Variants in DLGAP1 observed in about 807,000 individuals in gnomAD.
DLGAP1 encodes DLG associated protein 1, also known as disks large-associated protein 1.
Under a neutral mutation model 90.8 loss-of-function variants are expected in DLGAP1, and 11 were observed. The ratio of observed to expected loss-of-function variants is 0.12; its 90% CI spans 0.08 to 0.20. The LOEUF (loss-of-function observed/expected upper bound fraction) is 0.20, where lower values mean the gene tolerates loss of function less well. DLGAP1 is among the 10% of genes least tolerant of loss of function. DLGAP1 has a pLI of 1.00. For synonymous variants in DLGAP1, 558 were observed against 540.7 expected (o/e 1.03, Z -0.44); for missense variants, 1,050 against 1,333.8 (o/e 0.79, Z 3.31).
Position 3,529,186 on chromosome 18 carries a change from G to A in DLGAP1, c.2479+5008C>T, listed in dbSNP as rs538380165. ...ATAGTAAGACAGGGGGCCTATAGGA[G>A]GTGAGTTGGTCACAGGGGCAGAGTC... On this transcript the variant is annotated intron_variant, in intron 10 of 12. Coordinates refer to ENST00000315677, the MANE Select transcript of DLGAP1 (RefSeq NM_004746.4). Among the ~76,000 whole-genome samples, 7 of 152,342 alleles carry A rather than the reference G, an allele frequency of 4.6e-5. No homozygotes were observed. The South Asian group carries it at 1.2e-3, about 27-fold the overall frequency.
intron 1 of DLGAP1, among the ~76,000 whole-genome samples, chr18:4,322,559 G>C (rs2080717811): frequency 6.6e-6 from 1 of 152,112 alleles, no homozygotes; most frequent in South Asian, 2.1e-4. Context: ...AAAACATAGG[G>C]GGAAAGCTCC....
intron 4 of DLGAP1, among the ~76,000 whole-genome samples, chr18:3,853,530 T>G (rs1036401528): frequency 7.9e-5 from 12 of 151,714 alleles, no homozygotes; most frequent in African/African-American, 2.7e-4. Flanking sequence ...ATAGGCTATA[T>G]CATAGCTGAG....
At chr18:4,266,971 A>AG (rs2079144671) in intron 1 of DLGAP1, among the ~76,000 whole-genome samples, 1 of 152,186 alleles carries the variant, frequency 6.6e-6, no homozygotes, top group Admixed American at 6.5e-5. Context: ...TCAGGTGCTG[A>AG]GTTTACTAAT....
chr18:3,621,883 T>C (rs151028655), intron 7 of DLGAP1, among the ~76,000 whole-genome samples: 2 of 152,246 alleles, frequency 1.3e-5, no homozygotes, highest in Non-Finnish European at 2.9e-5. Flanking sequence ...TAAGGATTGC[T>C]TGAGCTCAGG....
intron 4 of DLGAP1, among the ~76,000 whole-genome samples, chr18:3,823,949 CAAAAAAAAAAAAAA>C (rs60286806): frequency 1.6e-4 from 6 of 36,550 alleles, no homozygotes; most frequent in South Asian, 2.1e-3. Context: ...GACTCCCTCT[CAAAAAAAAAAAAAA>C]AAAAAAAAAA....
intron 1 of DLGAP1, among the ~76,000 whole-genome samples, chr18:4,207,229 G>A (rs1452735414): frequency 6.6e-6 from 1 of 152,140 alleles, no homozygotes; most frequent in Admixed American, 6.5e-5. Context: ...TTACAACAAT[G>A]GCGAAAGGTG....
intron 3 of DLGAP1, among the ~76,000 whole-genome samples, chr18:3,910,736 T>A (rs2072014319): frequency 6.6e-6 from 1 of 152,170 alleles, no homozygotes; most frequent in Non-Finnish European, 1.5e-5. Context: ...CAAGCTTCAA[T>A]GGAGTGACTC....
intron 4 of DLGAP1, chr18:3,874,111 C>T: frequency 6.5e-7 from 1 of 1,549,164 alleles, no homozygotes; most frequent in South Asian, 1.2e-5. Context: ...ATCAACACCA[C>T]ACTATTACCA....
chr18:3,874,849 T>C, intron 4 of DLGAP1: 2 of 1,186,470 alleles, frequency 1.7e-6, no homozygotes, highest in Non-Finnish European at 2.2e-6. Context: ...AGACAGCTTG[T>C]GAGTGAGCAC....
intron 7 of DLGAP1, among the ~76,000 whole-genome samples, chr18:3,685,289 T>C (rs112991775): frequency 0.12 from 17,832 of 152,044 alleles, 1,201 homozygotes; most frequent in Non-Finnish European, 0.15. Flanking sequence ...GGGCCTGGTG[T>C]GGTGGCTCAT....
rs545966317 is a variant in DLGAP1 at position 4,298,110 on chromosome 18, G to A, written c.-266-146823C>T. Among the ~76,000 whole-genome samples the A allele has an allele frequency of 8.5e-5, 13 of 152,188 alleles. No homozygotes were observed. The East Asian group carries it at 2.1e-3, about 25-fold the overall frequency. ...AAGTAGAGTTCAGTTATATGCGGGC[G>A]ATTGGCTCCATGACCCTCACCTATA... is the stretch of plus-strand genomic sequence containing the variant. On this transcript the variant is annotated intron_variant, in intron 1 of 12. Transcript: ENST00000315677.
chr18:3,687,193 A>G (rs2060732469), intron 7 of DLGAP1, among the ~76,000 whole-genome samples: 1 of 152,218 alleles, frequency 6.6e-6, no homozygotes, highest in Non-Finnish European at 1.5e-5. Context: ...GAATTCCAAG[A>G]TGATAAATAT....
intron 7 of DLGAP1, among the ~76,000 whole-genome samples, chr18:3,658,730 CA>C (rs2059582870): frequency 6.6e-6 from 1 of 152,194 alleles, no homozygotes; most frequent in Non-Finnish European, 1.5e-5. Context: ...CTCATCTTTT[CA>C]GAGTAGAATT....
At chr18:3,649,136 G>A (rs1303030264) in intron 7 of DLGAP1, among the ~76,000 whole-genome samples, 1 of 152,216 alleles carries the variant, frequency 6.6e-6, no homozygotes, top group East Asian at 1.9e-4. Flanking sequence ...GGAACACTGT[G>A]CCAGTATAAA....
chr18:3,602,172 CTTCA>C, intron 7 of DLGAP1, among the ~76,000 whole-genome samples: 1 of 152,198 alleles, frequency 6.6e-6, no homozygotes, highest in East Asian at 1.9e-4. Context: ...TACTCTCACC[CTTCA>C]TTCATTCAAG....
In DLGAP1 at chr18:3,931,733, G is replaced by A. The variant is rs544398480; in HGVS notation, c.-72-51593C>T. ...TTGTAAACCTGAATGGCCCTTTAGC[G>A]CCACCTTTGCACAGAGAATTTTTTT... On this transcript the variant is annotated intron_variant, in intron 3 of 12. Coordinates refer to ENST00000315677, the MANE Select transcript of DLGAP1 (RefSeq NM_004746.4). 6.6e-5 allele frequency among the ~76,000 whole-genome samples: 10 copies of A among 152,196 alleles called. No homozygotes were observed. The South Asian group carries it at 1.5e-3, about 22-fold the overall frequency.
chr18:4,160,201 G>T (rs1336784985), intron 1 of DLGAP1, among the ~76,000 whole-genome samples: 2 of 152,170 alleles, frequency 1.3e-5, no homozygotes, highest in Non-Finnish European at 2.9e-5. Flanking sequence ...CAAGCATTGG[G>T]ATAAACTGGA....
Position 3,502,523 on chromosome 18 carries a change from A to G in DLGAP1, c.2694T>C (p.Asn898=), listed in dbSNP as rs200005838. 8.7e-6 allele frequency: 14 copies of G among 1,614,200 alleles called. No homozygotes were observed. The Admixed American group carries it at 1.2e-4, about 13-fold the overall frequency. Residue 898 remains asparagine (N), a synonymous_variant, in exon 12 of 13, where the codon AAT becomes AAC. Coordinates refer to ENST00000315677, the MANE Select transcript of DLGAP1 (RefSeq NM_004746.4). The part of the protein sequence containing the change: ...FDELHQLKAN[N]WKQMDPLDKK... ...TGTCAAGAGGATCCATCTGTTTCCA[A>G]TTATTGGCCTTTAACTGATGAAGTT...
intron 10 of DLGAP1, among the ~76,000 whole-genome samples, chr18:3,512,299 C>T (rs1297987992): frequency 1.3e-5 from 2 of 152,140 alleles, no homozygotes; most frequent in East Asian, 1.9e-4. Context: ...CCCCAGACAC[C>T]GTATAGGCAC....
Sources: allele counts gnomAD v4.1 joint callset (sites outside exome capture counted in the v4.1 genomes callset), GRCh38; gene constraint gnomAD v4.1.1; transcripts MANE v1.5; gene names NCBI Gene and HGNC (gene_info 2026-07-23, HGNC 2026-07-21).